FHL2: variants seen among roughly 807,000 people sequenced by gnomAD.
FHL2 encodes four and a half LIM domains protein 2.
In FHL2, 20 loss-of-function variants were observed where a neutral mutation model predicts 32.7. That is an observed-to-expected ratio of 0.61 (90% CI 0.43 to 0.89). The LOEUF (loss-of-function observed/expected upper bound fraction) is 0.89. Among genes scored for constraint, FHL2 ranks in the 40% least tolerant of loss-of-function variants. The pLI, the probability that FHL2 is intolerant of heterozygous loss-of-function variation, is 0.00. For synonymous variants in FHL2, 123 were observed against 128.1 expected (o/e 0.96, Z 0.27); for missense variants, 311 against 358.6 (o/e 0.87, Z 1.07).
At chr2:105,418,031 T>C (rs917178551) in intron 1 of FHL2, among the ~76,000 whole-genome samples, 1 of 152,216 alleles carries the variant, frequency 6.6e-6, no homozygotes, top group African/African-American at 2.4e-5. Flanking sequence ...CTCAGGGGTA[T>C]AGGGACCACA....
chr2:105,435,288 T>C (rs1471251339), intron 1 of FHL2, among the ~76,000 whole-genome samples: 3 of 152,238 alleles, frequency 2.0e-5, no homozygotes, highest in Admixed American at 6.5e-5. Context: ...TATTATTACA[T>C]ATATGTAATG....
intron 4 of FHL2, 119 bp from the exon 5 acceptor site, chr2:105,367,858 C>T: frequency 1.0e-6 from 1 of 957,900 alleles, no homozygotes; most frequent in Non-Finnish European, 1.5e-6. Flanking sequence ...GCCACTTCAG[C>T]TCTTGAAGGC....
At chr2:105,368,098 A>G (rs1680765718) in intron 4 of FHL2, among the ~76,000 whole-genome samples, 1 of 152,234 alleles carries the variant, frequency 6.6e-6, no homozygotes, top group African/African-American at 2.4e-5. Flanking sequence ...CCCATGGAGC[A>G]TGACTTTTGG....
intron 1 of FHL2, among the ~76,000 whole-genome samples, chr2:105,429,094 A>T (rs1464796616): frequency 6.6e-6 from 1 of 152,186 alleles, no homozygotes; most frequent in Non-Finnish European, 1.5e-5. Context: ...TGTCCTGTTT[A>T]ATGTGGCATA....
chr2:105,392,182 G>T (rs1250632908), intron 2 of FHL2, among the ~76,000 whole-genome samples: 4 of 152,324 alleles, frequency 2.6e-5, no homozygotes, highest in African/African-American at 9.6e-5. Flanking sequence ...TGACTCAGAT[G>T]TAAGAATAGG....
chr2:105,364,941 T>C (rs1458540089), intron 5 of FHL2, among the ~76,000 whole-genome samples: 1 of 152,186 alleles, frequency 6.6e-6, no homozygotes, highest in Non-Finnish European at 1.5e-5. Context: ...AGCATCTTAG[T>C]ATAACCCACC....
At chr2:105,365,318 TC>T (rs1212058293) in intron 5 of FHL2, among the ~76,000 whole-genome samples, 1 of 152,046 alleles carries the variant, frequency 6.6e-6, no homozygotes, top group African/African-American at 2.4e-5. Flanking sequence ...CAGCATCAGA[TC>T]CCCAGTGCCT....
At chr2:105,408,574 C>A (rs1289952664) in intron 1 of FHL2, among the ~76,000 whole-genome samples, 5 of 152,328 alleles carry the variant, frequency 3.3e-5, no homozygotes, top group East Asian at 3.9e-4. Context: ...GGACAGGTCA[C>A]TCTTCCTCAC....
At chr2:105,396,428 C>A (rs931932822) in intron 2 of FHL2, among the ~76,000 whole-genome samples, 4 of 152,180 alleles carry the variant, frequency 2.6e-5, no homozygotes, top group Non-Finnish European at 5.9e-5. Flanking sequence ...ACTGTTTGGA[C>A]AAGGCCCACT....
At chr2:105,393,641 T>A (rs1365567564) in intron 2 of FHL2, among the ~76,000 whole-genome samples, 1 of 152,160 alleles carries the variant, frequency 6.6e-6, no homozygotes, top group Non-Finnish European at 1.5e-5. Context: ...GTGGAATGGA[T>A]GAACAAATGA....
intron 5 of FHL2, 59 bp downstream of exon 5, chr2:105,367,511 A>G: frequency 2.0e-6 from 3 of 1,529,462 alleles, no homozygotes; most frequent in Non-Finnish European, 2.7e-6. Context: ...ACTGACAGAC[A>G]TGGACCATGG....
At position 105,429,196 on chromosome 2, in the gene FHL2, C is replaced by T. The variant is rs565759065; in HGVS notation, c.-25+9203G>A. Among the ~76,000 whole-genome samples, 8 of 152,290 alleles carry T rather than the reference C, an allele frequency of 5.3e-5. No individual in the cohort carries two copies. In the South Asian group the frequency reaches 1.0e-3, roughly 20 times the overall value. Reference sequence around the variant, plus strand: ...TTAATAAACACCAAAGACTTTGCCCCACAATATGATGGTCAAGAAATCGGC... The same window carrying T: ...TTAATAAACACCAAAGACTTTGCCCTACAATATGATGGTCAAGAAATCGGC... On this transcript the variant is annotated intron_variant, in intron 1 of 5. Transcript: ENST00000393352.
intron 4 of FHL2, among the ~76,000 whole-genome samples, chr2:105,370,614 C>T (rs889068796): frequency 6.6e-5 from 10 of 151,904 alleles, no homozygotes; most frequent in African/African-American, 1.7e-4. Flanking sequence ...TTCACTTGTC[C>T]TCTAAATGTA....
At chr2:105,404,403 T>C (rs946498023) in intron 1 of FHL2, among the ~76,000 whole-genome samples, 4 of 152,132 alleles carry the variant, frequency 2.6e-5, no homozygotes, top group African/African-American at 9.7e-5. Context: ...CTCCTGGCAG[T>C]GGGGTCAGGA....
chr2:105,429,397 T>C (rs753339161), intron 1 of FHL2, among the ~76,000 whole-genome samples: 5 of 152,178 alleles, frequency 3.3e-5, no homozygotes, highest in African/African-American at 9.7e-5. Flanking sequence ...CTACATTATC[T>C]GGACATCCCC....
chr2:105,423,319 C>G (rs538553375), intron 1 of FHL2, among the ~76,000 whole-genome samples: 4 of 152,322 alleles, frequency 2.6e-5, no homozygotes, highest in African/African-American at 9.6e-5. Context: ...CCTATTGCAT[C>G]AACTCTAACA....
intron 1 of FHL2, among the ~76,000 whole-genome samples, chr2:105,410,396 A>T (rs1467550723): frequency 6.6e-6 from 1 of 152,116 alleles, no homozygotes; most frequent in Non-Finnish European, 1.5e-5. Flanking sequence ...GTCCATGACC[A>T]TTCTATTGGC....
intron 4 of FHL2, among the ~76,000 whole-genome samples, chr2:105,370,081 T>C (rs1172932472): frequency 6.6e-6 from 1 of 152,196 alleles, no homozygotes; most frequent in Non-Finnish European, 1.5e-5. Flanking sequence ...CTGATTCAAA[T>C]AGTCAAATGA....
At chr2:105,370,215 C>CA (rs373599124) in intron 4 of FHL2, among the ~76,000 whole-genome samples, 40 of 149,726 alleles carry the variant, frequency 2.7e-4, no homozygotes, top group African/African-American at 5.4e-4. Flanking sequence ...TCTACCCCCC[C>CA]AAAAAAAAAA....
Sources: allele counts gnomAD v4.1 joint callset (sites outside exome capture counted in the v4.1 genomes callset), GRCh38; gene constraint gnomAD v4.1.1; transcripts MANE v1.5; gene names NCBI Gene and HGNC (gene_info 2026-07-23, HGNC 2026-07-21).